Variants in LAMA2 observed in about 807,000 individuals in gnomAD.
LAMA2 encodes the protein laminin subunit alpha-2.
LAMA2 carries 269 observed loss-of-function variants against 364.8 expected under a neutral mutation model. The ratio of observed to expected loss-of-function variants is 0.74; its 90% CI spans 0.67 to 0.82. The LOEUF (loss-of-function observed/expected upper bound fraction) is 0.82, where lower values mean the gene tolerates loss of function less well. Ranked by LOEUF, LAMA2 falls within the 40% of genes least tolerant of loss-of-function variation. LAMA2 has a pLI of 0.00. For missense variants in LAMA2, 3,807 were observed against 3,873.2 expected, an observed-to-expected ratio of 0.98 and a Z score of 0.45; for synonymous variants, 1,379 against 1,370.6, an observed-to-expected ratio of 1.01 and a Z score of -0.14.
intron 29 of LAMA2, among the ~76,000 whole-genome samples, chr6:129,332,057 G>T (rs1349299863): frequency 6.6e-6 from 1 of 152,146 alleles, no homozygotes; most frequent in African/African-American, 2.4e-5. Flanking sequence ...GGAGCAATTT[G>T]TTTCTCTAAC....
chr6:129,317,915 G>A (rs569269095), intron 27 of LAMA2, among the ~76,000 whole-genome samples: 17 of 142,326 alleles, frequency 1.2e-4, no homozygotes, highest in East Asian at 8.0e-4. Flanking sequence ...TTTTTTTCCC[G>A]CCCTATGTCT....
chr6:129,373,680 C>T (rs1778214660), intron 34 of LAMA2, among the ~76,000 whole-genome samples: 1 of 152,164 alleles, frequency 6.6e-6, no homozygotes, highest in Admixed American at 6.5e-5. Flanking sequence ...AACAGTGTTT[C>T]TGATGACTTT....
chr6:129,209,666 T>C (rs1262781896), intron 12 of LAMA2, among the ~76,000 whole-genome samples: 1 of 152,192 alleles, frequency 6.6e-6, no homozygotes, highest in African/African-American at 2.4e-5. Context: ...TCAAGTGCGG[T>C]GCTCAGGCTT....
chr6:129,182,382 T>A (rs1780983317), intron 10 of LAMA2, among the ~76,000 whole-genome samples: 1 of 151,162 alleles, frequency 6.6e-6, no homozygotes, highest in African/African-American at 2.4e-5. Context: ...CAATTCCACA[T>A]CCAAACATTT....
intron 1 of LAMA2, among the ~76,000 whole-genome samples, chr6:129,029,973 T>A (rs1257102015): frequency 6.6e-6 from 1 of 151,838 alleles, no homozygotes; most frequent in African/African-American, 2.4e-5. Context: ...GAAAAAAGAG[T>A]TCCTCCCTTT....
intron 1 of LAMA2, among the ~76,000 whole-genome samples, chr6:128,981,229 TA>T (rs746751141): frequency 3.3e-5 from 5 of 152,186 alleles, no homozygotes; most frequent in Non-Finnish European, 5.9e-5. Flanking sequence ...TCGACTATCC[TA>T]TTTTAAGATC....
intron 9 of LAMA2, among the ~76,000 whole-genome samples, chr6:129,172,878 A>C (rs535552886): frequency 3.9e-5 from 6 of 152,256 alleles, no homozygotes; most frequent in African/African-American, 9.6e-5. Flanking sequence ...CTCATGGTTC[A>C]CCGTTTTTTA....
At chr6:129,319,533 A>G (rs1036702046) in intron 27 of LAMA2, among the ~76,000 whole-genome samples, 2 of 152,222 alleles carry the variant, frequency 1.3e-5, no homozygotes, top group Non-Finnish European at 2.9e-5. Flanking sequence ...AGAAATTTAA[A>G]CAGCTTCAAA....
intron 1 of LAMA2, among the ~76,000 whole-genome samples, chr6:128,955,341 A>T (rs1414978446): frequency 6.6e-6 from 1 of 151,948 alleles, no homozygotes; most frequent in Non-Finnish European, 1.5e-5. Context: ...ACAGAGATAG[A>T]GGTTAAGTAT....
chr6:129,150,232 C>T (rs1364781922), intron 7 of LAMA2, among the ~76,000 whole-genome samples: 2 of 152,290 alleles, frequency 1.3e-5, no homozygotes, highest in Non-Finnish European at 2.9e-5. Context: ...CTTTTGTTTC[C>T]TTCAACTACT....
At chr6:129,324,964 TCTGC>T (rs1775186047) in intron 28 of LAMA2, among the ~76,000 whole-genome samples, 1 of 152,248 alleles carries the variant, frequency 6.6e-6, no homozygotes, top group African/African-American at 2.4e-5. Flanking sequence ...TAAACTCGGG[TCTGC>T]CTGATTGCAA....
chr6:129,279,444 A>G (rs1034576213), intron 17 of LAMA2, among the ~76,000 whole-genome samples: 15 of 152,190 alleles, frequency 9.9e-5, no homozygotes, highest in African/African-American at 3.4e-4. Context: ...AGAGGGTATG[A>G]GATGGCAAGG....
intron 10 of LAMA2, among the ~76,000 whole-genome samples, chr6:129,178,504 CA>C (rs1780745187): frequency 6.6e-6 from 1 of 152,062 alleles, no homozygotes; most frequent in Non-Finnish European, 1.5e-5. Flanking sequence ...CAGGCATGCA[CA>C]AGTGAAAAAT....
At chr6:129,365,483 C>T (rs1777712204) in intron 32 of LAMA2, among the ~76,000 whole-genome samples, 1 of 152,074 alleles carries the variant, frequency 6.6e-6, no homozygotes, top group Non-Finnish European at 1.5e-5. Context: ...CTGCCTCAGC[C>T]TTCTGGGTAG....
At chr6:129,272,816 T>C (rs1236286511) in intron 17 of LAMA2, among the ~76,000 whole-genome samples, 1 of 152,154 alleles carries the variant, frequency 6.6e-6, no homozygotes, top group Non-Finnish European at 1.5e-5. Flanking sequence ...TATTGCGAAC[T>C]GCACCTGCGA....
intron 17 of LAMA2, among the ~76,000 whole-genome samples, chr6:129,270,965 G>T (rs898662662): frequency 2.0e-5 from 3 of 152,010 alleles, no homozygotes; most frequent in African/African-American, 7.2e-5. Context: ...TCTAGTTTTG[G>T]TGATTTAATT....
rs576398163 is a variant in LAMA2 at position 129,052,768 on chromosome 6, T to C, written c.283+2680T>C. On this transcript the variant is annotated intron_variant, in intron 2 of 64. Transcript: ENST00000421865. ...AGTAGTTTCATTGCTCTTTTTTTTT[T>C]AAATTATAAAATGTATAAAATGAGA... Among the ~76,000 whole-genome samples, 26 of 152,264 alleles carry C rather than the reference T, an allele frequency of 1.7e-4. No homozygotes were observed. In the South Asian group the frequency reaches 5.4e-3, roughly 32 times the overall value.
chr6:129,422,111 C>A (rs1156601402), intron 40 of LAMA2, among the ~76,000 whole-genome samples: 1 of 152,002 alleles, frequency 6.6e-6, no homozygotes, highest in East Asian at 1.9e-4. Flanking sequence ...ACTTAGGGAG[C>A]TGAAATACTC....
chr6:129,386,547 T>C (rs565242299), intron 35 of LAMA2, among the ~76,000 whole-genome samples: 7 of 152,006 alleles, frequency 4.6e-5, no homozygotes, highest in African/African-American at 9.6e-5. Flanking sequence ...AGAAAAATAA[T>C]GGAAATAAAA....
Sources: gnomAD v4.1 joint callset for allele counts (sites outside exome capture counted in the v4.1 genomes callset) on GRCh38, gnomAD v4.1.1 for gene constraint, MANE v1.5 for transcripts, NCBI Gene and HGNC (gene_info 2026-07-23, HGNC 2026-07-21) for gene names.